TBC1D9: variants seen among roughly 807,000 people sequenced by gnomAD.
TBC1D9 encodes TBC1 domain family member 9, also known as TBC1 domain family member 9A.
In TBC1D9, 63 loss-of-function variants were observed where a neutral mutation model predicts 132.0. The observed-to-expected ratio is 0.48, with a 90% CI of 0.39 to 0.59. The LOEUF is 0.59. TBC1D9 is among the 20% of genes least tolerant of loss of function. The pLI is 0.00. For synonymous variants in TBC1D9, 610 were observed against 609.9 expected (o/e 1.00, Z 0.00); for missense variants, 1,261 against 1,592.7 (o/e 0.79, Z 3.54).
intron 13 of TBC1D9, chr4:140,642,541 AG>A: frequency 8.7e-7 from 1 of 1,146,862 alleles, no homozygotes; most frequent in Non-Finnish European, 1.3e-6. Flanking sequence ...CTGCTTGGTG[AG>A]GGAGAGGGCC....
In TBC1D9 at chr4:140,622,751, C is replaced by A. The variant is rs1398789936; in HGVS notation, c.3245G>T (p.Gly1082Val). The A allele has an allele frequency of 1.9e-6, 3 of 1,606,054 alleles. No individual in the cohort carries two copies. In the African/African-American group the frequency reaches 4.0e-5, roughly 21 times the overall value. ...GCCCTGGTGGCAGGACGGCCCACTG[C>A]CTCCGCTCCCGCCCTCCTTTGCAGG... ...AQPAKEGGSG[G>V]SGPSCHQGIP... Residue 1082 changes from glycine to valine, a missense_variant, in exon 21 of 21, where the codon GGC becomes GTC. Gly to Val is a moderately radical substitution (Grantham distance 109, BLOSUM62 -3). Around this residue, in one of 3 missense-constraint regions of TBC1D9, gnomAD observed 618 missense variants for 724.4 expected, o/e 0.85. Transcript: ENST00000442267.
chr4:140,640,458 G>A (rs1057376551), intron 13 of TBC1D9, among the ~76,000 whole-genome samples: 23 of 113,948 alleles, frequency 2.0e-4, no homozygotes, highest in Non-Finnish European at 2.7e-4. Flanking sequence ...GGGGGGGGGA[G>A]TAGGTGGGGG....
In TBC1D9 at chr4:140,686,394, T is replaced by C. The variant is rs774234726; in HGVS notation, c.310A>G (p.Ile104Val). The change falls in exon 3 of 21, where the codon ATC becomes GTC. Residue 104 changes from isoleucine (I) to valine (V), a missense_variant. Physicochemically the swap from Ile to Val is conservative, Grantham distance 29 (BLOSUM62 3). Coordinates refer to ENST00000442267, the MANE Select transcript of TBC1D9 (RefSeq NM_015130.3). ...GTGATATCATTCTCATTTTCAAAGA[T>C]GGAGAGTGTCTGCAAGAGATTTTGC... The part of the protein sequence containing the change: ...LEQNLLQTLS[I>V]FENENDITTF... 8.7e-6 allele frequency: 14 copies of C among 1,612,576 alleles called. No individual in the cohort carries two copies. The Admixed American group carries it at 1.3e-4, about 15-fold the overall frequency.
intron 13 of TBC1D9, chr4:140,643,315 C>T: frequency 1.5e-6 from 2 of 1,322,242 alleles, no homozygotes; most frequent in South Asian, 1.3e-5. Flanking sequence ...ACAAGGCTCT[C>T]GGCAGCTTCC....
chr4:140,689,509 CTTCCCCCTTTTCCCTTCCA>C (rs1560886592), intron 2 of TBC1D9, among the ~76,000 whole-genome samples: 1 of 104,984 alleles, frequency 9.5e-6, no homozygotes, highest in Non-Finnish European at 2.0e-5. Flanking sequence ...CTTTCCTTCC[CTTCCCCCTTTTCCCTTCCA>C]TTCCCCCTTT....
intron 13 of TBC1D9, chr4:140,642,284 C>T (rs1419148134): frequency 8.4e-6 from 6 of 711,400 alleles, no homozygotes; most frequent in Admixed American, 7.0e-5. Flanking sequence ...CGGAGGCAAA[C>T]GCGGAATGGG....
chr4:140,733,516 A>G (rs911155258), intron 1 of TBC1D9, among the ~76,000 whole-genome samples: 3 of 152,196 alleles, frequency 2.0e-5, no homozygotes, highest in African/African-American at 7.2e-5. Flanking sequence ...ACACCGCTAC[A>G]ACTTTAAACT....
intron 1 of TBC1D9, among the ~76,000 whole-genome samples, chr4:140,740,129 G>T (rs1320481532): frequency 6.6e-6 from 1 of 152,080 alleles, no homozygotes; most frequent in Non-Finnish European, 1.5e-5. Flanking sequence ...TTGATTTTAG[G>T]CCCCTGATTA....
chr4:140,744,597 C>A (rs1252221324), intron 1 of TBC1D9, among the ~76,000 whole-genome samples: 4 of 152,074 alleles, frequency 2.6e-5, no homozygotes, highest in South Asian at 2.1e-4. Context: ...TACGTAAGAG[C>A]CTTGGGGCCC....
At position 140,747,749 on chromosome 4, in the gene TBC1D9, T is replaced by C. The variant is rs114066640; in HGVS notation, c.130+8167A>G. ...GAATCCTGGACTGGGGGGACCAGGA[T>C]AGGAGTTAGTACCACCAAAGAGGTA... On this transcript the variant is annotated intron_variant, in intron 1 of 20. Transcript: ENST00000442267. 8.4e-3 allele frequency among the ~76,000 whole-genome samples: 1,271 copies of C among 152,164 alleles called. 22 individuals are homozygous for C. The highest frequency in any genetic ancestry group is 0.029 in the African/African-American group (1,188 of 41,498).
intron 5 of TBC1D9, 58 bp from the exon 6 acceptor site, chr4:140,677,159 T>C (rs977358824): frequency 2.3e-5 from 37 of 1,590,704 alleles, no homozygotes; most frequent in Non-Finnish European, 3.1e-5. Flanking sequence ...TTCTAAATTA[T>C]GCAGCAGCGG....
chr4:140,714,768 T>C (rs766382569), intron 1 of TBC1D9, among the ~76,000 whole-genome samples: 9 of 152,238 alleles, frequency 5.9e-5, no homozygotes, highest in Non-Finnish European at 1.3e-4. Flanking sequence ...TTTTTCAGAG[T>C]CTGCTCTCTG....
At chr4:140,634,599 T>G (rs188451263) in intron 15 of TBC1D9, among the ~76,000 whole-genome samples, 1 of 152,310 alleles carries the variant, frequency 6.6e-6, no homozygotes, top group African/African-American at 2.4e-5. Context: ...GACCGCCTTG[T>G]TTTCTAGGTG....
intron 13 of TBC1D9, among the ~76,000 whole-genome samples, chr4:140,646,368 A>G (rs576732132): frequency 3.9e-5 from 6 of 152,354 alleles, no homozygotes; most frequent in Non-Finnish European, 5.9e-5. Context: ...ACAGCACAGT[A>G]GGCACCCAAT....
chr4:140,644,047 G>A, intron 13 of TBC1D9: 1 of 451,916 alleles, frequency 2.2e-6, no homozygotes, highest in Middle Eastern at 3.3e-4. Context: ...TTGTCTTCGG[G>A]CGAGAGTGTC....
At chr4:140,657,433 GATC>G in intron 12 of TBC1D9, 91 bp downstream of exon 12, 1 of 1,407,184 alleles carries the variant, frequency 7.1e-7, no homozygotes, top group South Asian at 1.4e-5. Flanking sequence ...CGGGCATTAT[GATC>G]ACCATCAAAT....
At chr4:140,724,224 C>T (rs1222823496) in intron 1 of TBC1D9, among the ~76,000 whole-genome samples, 8 of 152,166 alleles carry the variant, frequency 5.3e-5, no homozygotes, top group Non-Finnish European at 1.2e-4. Context: ...TCTACTCTAC[C>T]TCTTCTTTCT....
chr4:140,687,342 T>TTATATA (rs1560885798), intron 2 of TBC1D9, among the ~76,000 whole-genome samples: 1 of 54,526 alleles, frequency 1.8e-5, no homozygotes, highest in Non-Finnish European at 3.6e-5. Flanking sequence ...TGTGTGTGTG[T>TTATATA]CATATATATA....
intron 6 of TBC1D9, among the ~76,000 whole-genome samples, chr4:140,673,323 CTTATT>C (rs1339425388): frequency 5.3e-5 from 8 of 152,148 alleles, no homozygotes. Flanking sequence ...AATATTTCAG[CTTATT>C]TATTTAAAAA....
Sources: allele counts gnomAD v4.1 joint callset (sites outside exome capture counted in the v4.1 genomes callset), GRCh38; gene constraint gnomAD v4.1.1; regional missense constraint gnomAD v4.1.1; transcripts MANE v1.5; gene names NCBI Gene and HGNC (gene_info 2026-07-23, HGNC 2026-07-21).